ANKFN1: variants seen among roughly 807,000 people sequenced by gnomAD.
ANKFN1 encodes ankyrin repeat and fibronectin type-III domain-containing protein 1.
Under a neutral mutation model 108.7 loss-of-function variants are expected in ANKFN1, and 74 were observed. The ratio of observed to expected loss-of-function variants is 0.68; its 90% CI spans 0.56 to 0.83. The LOEUF is 0.83. ANKFN1 is among the 40% of genes least tolerant of loss of function. ANKFN1 has a pLI of 0.00. For missense variants in ANKFN1, 1,505 were observed against 1,382.3 expected (o/e 1.09, Z -1.41); for synonymous variants, 547 against 516.2 (o/e 1.06, Z -0.81).
intron 3 of ANKFN1, among the ~76,000 whole-genome samples, chr17:56,265,216 A>G (rs540080287): frequency 3.0e-4 from 46 of 152,280 alleles, no homozygotes; most frequent in African/African-American, 9.4e-4. Flanking sequence ...ACTACCTGAG[A>G]CTGGGTAATT....
intron 4 of ANKFN1, among the ~76,000 whole-genome samples, chr17:56,064,605 C>G (rs1905031261): frequency 6.6e-6 from 1 of 152,220 alleles, no homozygotes; most frequent in Admixed American, 6.5e-5. Context: ...AAAGCACAGC[C>G]TGGAGCTATA....
chr17:56,371,146 A>T (rs925863098), intron 6 of ANKFN1, among the ~76,000 whole-genome samples: 2 of 151,914 alleles, frequency 1.3e-5, no homozygotes, highest in African/African-American at 4.8e-5. Context: ...TGAGGCTTTT[A>T]AAAAAAAGTG....
At chr17:56,201,342 CTTTG>C (rs1035843278) in intron 1 of ANKFN1, among the ~76,000 whole-genome samples, 1 of 152,152 alleles carries the variant, frequency 6.6e-6, no homozygotes, top group African/African-American at 2.4e-5. Flanking sequence ...TCCAGCAGAC[CTTTG>C]TTTGAGCGCT....
At chr17:56,406,495 A>G (rs905043352) in intron 8 of ANKFN1, among the ~76,000 whole-genome samples, 2 of 150,474 alleles carry the variant, frequency 1.3e-5, no homozygotes, top group Non-Finnish European at 2.9e-5. Context: ...TATTTAAGCT[A>G]TCGAGAAAGA....
chr17:56,400,579 G>A lies in ANKFN1; in HGVS notation c.910+25865G>A, dbSNP rs150226089. Reference sequence around the variant, plus strand: ...GTTCCTTTTGCTGTGCAAAAAGCTCGTGCAAAAGTTTAATTAGGTCCCAGC... The same window carrying A: ...GTTCCTTTTGCTGTGCAAAAAGCTCATGCAAAAGTTTAATTAGGTCCCAGC... On this transcript the variant is annotated intron_variant, in intron 8 of 20. Coordinates refer to ENST00000682825, the MANE Select transcript of ANKFN1 (RefSeq NM_001370326.1). Among the ~76,000 whole-genome samples the A allele has an allele frequency of 1.4e-4, 21 of 151,874 alleles. No individual in the cohort carries two copies. In the East Asian group the frequency reaches 1.9e-3, roughly 14 times the overall value.
At chr17:56,352,169 T>C (rs2046265142) in intron 5 of ANKFN1, among the ~76,000 whole-genome samples, 1 of 152,212 alleles carries the variant, frequency 6.6e-6, no homozygotes, top group Non-Finnish European at 1.5e-5. Context: ...TAAAACACTT[T>C]ACCATTCAGC....
At chr17:56,372,342 TC>T (rs1244061587) in intron 6 of ANKFN1, among the ~76,000 whole-genome samples, 4 of 152,194 alleles carry the variant, frequency 2.6e-5, no homozygotes, top group Non-Finnish European at 4.4e-5. Context: ...GAAGTGGTCC[TC>T]CTGGGTACTT....
At chr17:56,178,723 CA>C (rs1219758795) in intron 1 of ANKFN1, among the ~76,000 whole-genome samples, 1 of 151,852 alleles carries the variant, frequency 6.6e-6, no homozygotes, top group African/African-American at 2.4e-5. Context: ...AGGCATGGGT[CA>C]AGGAAAGATA....
At chr17:56,334,909 G>A (rs2045764058) in intron 4 of ANKFN1, among the ~76,000 whole-genome samples, 1 of 151,784 alleles carries the variant, frequency 6.6e-6, no homozygotes, top group Non-Finnish European at 1.5e-5. Flanking sequence ...TGTGGAAGGT[G>A]TAAGGAAGGG....
At chr17:56,315,042 T>C (rs1042789675) in intron 3 of ANKFN1, among the ~76,000 whole-genome samples, 14 of 152,208 alleles carry the variant, frequency 9.2e-5, no homozygotes, top group Admixed American at 9.2e-4. Flanking sequence ...CAGGTGCAAA[T>C]GTGTTTCACT....
intron 4 of ANKFN1, among the ~76,000 whole-genome samples, chr17:56,111,651 A>T (rs2143252486): frequency 6.6e-6 from 1 of 152,302 alleles, no homozygotes; most frequent in East Asian, 1.9e-4. Flanking sequence ...GACATCTCCC[A>T]TAGTTCTAAA....
intron 3 of ANKFN1, among the ~76,000 whole-genome samples, chr17:56,234,825 G>A (rs529478750): frequency 4.1e-4 from 62 of 152,096 alleles, no homozygotes; most frequent in Non-Finnish European, 7.1e-4. Context: ...ACATACATGT[G>A]TCTTTATGGT....
intron 4 of ANKFN1, among the ~76,000 whole-genome samples, chr17:56,327,580 C>T (rs2045556848): frequency 6.6e-6 from 1 of 152,178 alleles, no homozygotes; most frequent in Non-Finnish European, 1.5e-5. Context: ...CAAGGTCATT[C>T]TCCCAGGTGA....
intron 6 of ANKFN1, among the ~76,000 whole-genome samples, chr17:56,355,188 T>C (rs1466655499): frequency 6.6e-6 from 1 of 152,190 alleles, no homozygotes; most frequent in Non-Finnish European, 1.5e-5. Context: ...AACATATATG[T>C]ATATGAAAAC....
rs569732566 is a variant in ANKFN1, at chr17:56,236,257, C to T, written c.53+8300C>T. On this transcript the variant is annotated intron_variant, in intron 3 of 20. Coordinates refer to ENST00000682825, the MANE Select transcript of ANKFN1 (RefSeq NM_001370326.1). ...TATTTTTAGTAGAGACGTGGTTTCA[C>T]CATGTTAGCCAGGATGGTCTCGAAC... Among the ~76,000 whole-genome samples, 4 of 152,088 alleles carry T rather than the reference C, an allele frequency of 2.6e-5. No homozygotes were observed. The East Asian group carries it at 7.8e-4, about 29-fold the overall frequency.
At chr17:56,504,825 T>C (rs1029126919) in intron 20 of ANKFN1, among the ~76,000 whole-genome samples, 3 of 129,516 alleles carry the variant, frequency 2.3e-5, no homozygotes, top group African/African-American at 5.6e-5. Flanking sequence ...TGGCTAATTT[T>C]TGGATTTTTT....
At position 56,215,680 on chromosome 17, in the gene ANKFN1, T is replaced by G. The variant is rs188004611; in HGVS notation, c.12+3001T>G. ...ACAGATAGGGCCAGCTCCATGGGCT[T>G]GCACTCAGTGAAGCCACACAGGACC... On this transcript the variant is annotated intron_variant, in intron 2 of 20. Transcript: ENST00000682825. 5.1e-4 allele frequency: 77 copies of G among 152,378 alleles called. 1 individual carries two copies. Among genetic ancestry groups the G allele is most frequent in the Admixed American group, 3.6e-3 (55 of 15,310 alleles). The allele number at this position is 152,378 out of a possible 1,614,324, so 9.4% of individuals were successfully genotyped here.
chr17:56,404,254 T>C (rs1465292250), intron 8 of ANKFN1, among the ~76,000 whole-genome samples: 1 of 152,186 alleles, frequency 6.6e-6, no homozygotes, highest in Non-Finnish European at 1.5e-5. Context: ...CCCCCAAATA[T>C]GTTTTCCAAG....
At chr17:56,458,266 T>G (rs1416283703) in intron 14 of ANKFN1, among the ~76,000 whole-genome samples, 1 of 152,128 alleles carries the variant, frequency 6.6e-6, no homozygotes, top group Non-Finnish European at 1.5e-5. Flanking sequence ...AGATTTGATA[T>G]TAGTCAGCCG....
Sources: allele counts gnomAD v4.1 joint callset (sites outside exome capture counted in the v4.1 genomes callset), GRCh38; gene constraint gnomAD v4.1.1; transcripts MANE v1.5; gene names NCBI Gene and HGNC (gene_info 2026-07-23, HGNC 2026-07-21).